EFR3A: variants seen among roughly 807,000 people sequenced by gnomAD.
The protein encoded by EFR3A is protein EFR3 homolog A.
In EFR3A, 76 loss-of-function variants were observed where a neutral mutation model predicts 104.4. That is an observed-to-expected ratio of 0.73 (90% CI 0.60 to 0.88). The LOEUF (loss-of-function observed/expected upper bound fraction) is 0.88, where lower values mean the gene tolerates loss of function less well. Ranked by LOEUF, EFR3A falls within the 40% of genes least tolerant of loss-of-function variation. The probability of loss-of-function intolerance (pLI) is 0.00; values close to 1 mark genes in which losing one functional copy is unlikely to be tolerated. For missense variants in EFR3A, 985 were observed against 1,012.5 expected, an observed-to-expected ratio of 0.97 and a Z score of 0.37; for synonymous variants, 330 against 330.0, an observed-to-expected ratio of 1.00 and a Z score of 0.00.
intron 8 of EFR3A, 70 bp downstream of exon 8, chr8:131,959,733 C>G: frequency 9.6e-7 from 1 of 1,040,892 alleles, no homozygotes; most frequent in Non-Finnish European, 1.4e-6. Context: ...AGCACATTAT[C>G]AAACAGATGT....
chr8:131,983,911 G>T (rs1319528024), intron 14 of EFR3A, among the ~76,000 whole-genome samples: 2 of 151,934 alleles, frequency 1.3e-5, no homozygotes, highest in East Asian at 3.9e-4. Context: ...TTTTTTACTG[G>T]TTATTTTTAT....
At chr8:131,920,511 A>C (rs983092905) in intron 1 of EFR3A, among the ~76,000 whole-genome samples, 1 of 152,134 alleles carries the variant, frequency 6.6e-6, no homozygotes, top group African/African-American at 2.4e-5. Flanking sequence ...AACTTCTAGA[A>C]GTGGTAAGTT....
intron 8 of EFR3A, among the ~76,000 whole-genome samples, chr8:131,965,339 G>C (rs1819642027): frequency 6.6e-6 from 1 of 152,124 alleles, no homozygotes; most frequent in Non-Finnish European, 1.5e-5. Flanking sequence ...CTAATATGCA[G>C]ACTCCACAAA....
chr8:131,985,605 A>G (rs1820833214), intron 16 of EFR3A, among the ~76,000 whole-genome samples: 1 of 152,170 alleles, frequency 6.6e-6, no homozygotes, highest in Non-Finnish European at 1.5e-5. Flanking sequence ...AGAGAACTTT[A>G]TTTTTCTTAA....
At position 131,953,825 on chromosome 8, in the gene EFR3A, A is replaced by G. The variant is rs1818832535; in HGVS notation, c.496A>G (p.Ile166Val). 2.0e-6 allele frequency: 3 copies of G among 1,517,920 alleles called. No homozygotes were observed. Among genetic ancestry groups the G allele is most frequent in the East Asian group, 2.4e-5 (1 of 40,906 alleles). The allele number at this position is 1,517,920 out of a possible 1,614,324, so 94.0% of individuals were successfully genotyped here. A position where few individuals can be genotyped will look rare whatever the true frequency, so the allele number is the denominator to read the frequency against. Residue 166 changes from isoleucine to valine, a missense_variant, in exon 6 of 23, where the codon ATT becomes GTT. Coordinates refer to ENST00000254624, the MANE Select transcript of EFR3A (RefSeq NM_015137.6). The stretch of plus-strand genomic sequence containing the variant: ...TTTTTTTTTTTTTTATAGGATACGA[A>G]TTGCTGGAATTAGAGGTATTCAAGG... ...SDPEIRTEIR[I>V]AGIRGIQGVV...
At chr8:131,944,652 A>G in intron 2 of EFR3A, 93 bp from the exon 3 acceptor site, 1 of 1,274,932 alleles carries the variant, frequency 7.8e-7, no homozygotes, top group Non-Finnish European at 1.1e-6. Flanking sequence ...TTTAATCCCC[A>G]ATCCAGAAAG....
intron 3 of EFR3A, among the ~76,000 whole-genome samples, chr8:131,945,365 A>G (rs563497969): frequency 4.6e-5 from 7 of 152,048 alleles, no homozygotes; most frequent in African/African-American, 1.4e-4. Flanking sequence ...TGCTAGCTAT[A>G]CTCTTACTGA....
At chr8:131,961,545 G>A (rs961675095) in intron 8 of EFR3A, among the ~76,000 whole-genome samples, 1 of 152,204 alleles carries the variant, frequency 6.6e-6, no homozygotes, top group Non-Finnish European at 1.5e-5. Flanking sequence ...AAGCCTCCAA[G>A]AAATATGGGA....
intron 22 of EFR3A, among the ~76,000 whole-genome samples, chr8:132,006,136 G>GC (rs1822038102): frequency 1.3e-5 from 2 of 152,122 alleles, no homozygotes; most frequent in African/African-American, 4.8e-5. Flanking sequence ...TGCTTGCAAA[G>GC]AAGAGAGATC....
rs1206114827 is a variant in EFR3A, at chr8:132,010,904, T to C, written c.*9T>C. 2 of 1,589,022 alleles carry C rather than the reference T, an allele frequency of 1.3e-6. No homozygotes were observed. The highest frequency in any genetic ancestry group is 1.7e-6 in the Non-Finnish European group (2 of 1,162,396). On this transcript the variant is annotated 3_prime_UTR_variant, in exon 23 of 23. Transcript: ENST00000254624. ...ATCTGTGTGTGTACTGATCGGCGCA[T>C]GAAGACCTCAGGATATGATTTGTAA...
chr8:131,924,399 C>T (rs1817198419), intron 1 of EFR3A, among the ~76,000 whole-genome samples: 1 of 152,084 alleles, frequency 6.6e-6, no homozygotes, highest in African/African-American at 2.4e-5. Flanking sequence ...CCTACTCTAA[C>T]ATTTTGAGTT....
At chr8:131,963,124 T>A (rs1322400416) in intron 8 of EFR3A, among the ~76,000 whole-genome samples, 1 of 152,036 alleles carries the variant, frequency 6.6e-6, no homozygotes, top group Non-Finnish European at 1.5e-5. Flanking sequence ...GCAGGAAAGA[T>A]CTAAAAATTG....
chr8:131,929,806 G>A (rs896355094), intron 1 of EFR3A, among the ~76,000 whole-genome samples: 7 of 152,104 alleles, frequency 4.6e-5, no homozygotes, highest in Non-Finnish European at 8.8e-5. Context: ...TCTCTGAGTT[G>A]AGAACCAACT....
intron 8 of EFR3A, among the ~76,000 whole-genome samples, chr8:131,965,281 C>A (rs750742447): frequency 6.6e-6 from 1 of 152,102 alleles, no homozygotes; most frequent in South Asian, 2.1e-4. Flanking sequence ...CAACAGGCAA[C>A]CTACAGAATG....
chr8:131,908,334 A>G lies in EFR3A; in HGVS notation c.10+4012A>G, dbSNP rs570667540. Among the ~76,000 whole-genome samples the G allele has an allele frequency of 3.3e-5, 5 of 152,252 alleles. No homozygotes were observed. The South Asian group carries it at 1.0e-3, about 32-fold the overall frequency. ...CTCGGCCTCCCAAAGTGCTGGGATT[A>G]CAGGTGTGAGCCACCGCTCCCGGCC... On this transcript the variant is annotated intron_variant, in intron 1 of 22. Coordinates refer to ENST00000254624, the MANE Select transcript of EFR3A (RefSeq NM_015137.6).
chr8:131,968,512 A>T, intron 9 of EFR3A, 82 bp downstream of exon 9: 1 of 1,304,256 alleles, frequency 7.7e-7, no homozygotes, highest in South Asian at 1.8e-5. Context: ...TGTATGAAGA[A>T]CTCTTTAAGA....
At chr8:131,939,216 A>G (rs943721856) in intron 1 of EFR3A, among the ~76,000 whole-genome samples, 2 of 152,236 alleles carry the variant, frequency 1.3e-5, no homozygotes, top group Admixed American at 6.5e-5. Flanking sequence ...GCATTATTAC[A>G]TCTATTTTTA....
chr8:131,955,725 A>G (rs765766673), intron 6 of EFR3A, 43 bp from the exon 7 acceptor site: 9 of 1,582,266 alleles, frequency 5.7e-6, no homozygotes, highest in Non-Finnish European at 7.7e-6. Flanking sequence ...TAGAACTGAT[A>G]TTAAAATTCT....
chr8:131,996,370 C>A, intron 18 of EFR3A, 36 bp from the exon 19 acceptor site: 1 of 1,279,026 alleles, frequency 7.8e-7, no homozygotes, highest in Non-Finnish European at 1.1e-6. Context: ...CATAACATTT[C>A]TAGCAAATAA....
Sources: allele counts gnomAD v4.1 joint callset (sites outside exome capture counted in the v4.1 genomes callset), GRCh38; gene constraint gnomAD v4.1.1; transcripts MANE v1.5; gene names NCBI Gene and HGNC (gene_info 2026-07-23, HGNC 2026-07-21).